The following SYN3 variants were observed in gnomAD, a reference collection of about 807,000 sequenced individuals.
SYN3 encodes the protein synapsin-3.
In SYN3, 35 loss-of-function variants were observed where a neutral mutation model predicts 65.8. That is an observed-to-expected ratio of 0.53 (90% CI 0.41 to 0.70). The LOEUF is 0.70. SYN3 is among the 30% of genes least tolerant of loss of function. The pLI is 0.00. For missense variants in SYN3, 680 were observed against 749.0 expected, an observed-to-expected ratio of 0.91 and a Z score of 1.08; for synonymous variants, 270 against 292.9, an observed-to-expected ratio of 0.92 and a Z score of 0.80.
chr22:32,524,166 C>A (rs957320775), intron 12 of SYN3, among the ~76,000 whole-genome samples: 2 of 152,226 alleles, frequency 1.3e-5, no homozygotes, highest in Non-Finnish European at 2.9e-5. Context: ...GAAGAAGCTG[C>A]AGCAAGTTAT....
intron 7 of SYN3, among the ~76,000 whole-genome samples, chr22:32,552,045 T>G (rs1309318666): frequency 1.3e-5 from 2 of 152,114 alleles, no homozygotes; most frequent in East Asian, 3.9e-4. Flanking sequence ...GGTTAAGAGT[T>G]GAGACCAGCC....
intron 7 of SYN3, among the ~76,000 whole-genome samples, chr22:32,542,024 G>A (rs1343449284): frequency 6.6e-6 from 1 of 152,156 alleles, no homozygotes; most frequent in Non-Finnish European, 1.5e-5. Context: ...AGATGCACGA[G>A]GAACCCACAG....
In SYN3 at chr22:32,926,136, G is replaced by A. The variant is rs192327167; in HGVS notation, c.461+5254C>T. Among the ~76,000 whole-genome samples the A allele has an allele frequency of 4.5e-4, 69 of 152,274 alleles. No homozygotes were observed. In the East Asian group the frequency reaches 0.012, roughly 26 times the overall value. ...CAAAGTGCTGGGATTACAGGCGTAA[G>A]CCATTGTGCCCAGCCGGGATAGATG... On this transcript the variant is annotated intron_variant, in intron 4 of 13. Transcript: ENST00000358763.
intron 4 of SYN3, among the ~76,000 whole-genome samples, chr22:32,873,308 T>C (rs147643683): frequency 7.5e-4 from 114 of 152,274 alleles, no homozygotes; most frequent in African/African-American, 2.4e-3. Flanking sequence ...AGTGAAATAA[T>C]TGAGGCATGT....
intron 4 of SYN3, among the ~76,000 whole-genome samples, chr22:32,897,102 G>A (rs1446901053): frequency 1.3e-5 from 2 of 152,124 alleles, no homozygotes; most frequent in African/African-American, 4.8e-5. Flanking sequence ...GGCCAAGTAG[G>A]TTGTGAAGGA....
intron 6 of SYN3, among the ~76,000 whole-genome samples, chr22:32,775,091 A>G (rs369608974): frequency 6.6e-6 from 1 of 152,208 alleles, no homozygotes. Flanking sequence ...CTGGATGTCC[A>G]AGATCAAGGC....
At chr22:32,578,769 T>G (rs1483836618) in intron 7 of SYN3, among the ~76,000 whole-genome samples, 1 of 152,224 alleles carries the variant, frequency 6.6e-6, no homozygotes, top group Admixed American at 6.5e-5. Flanking sequence ...TGGGGTTTAT[T>G]GTACACATTT....
intron 3 of SYN3, among the ~76,000 whole-genome samples, chr22:32,967,423 G>A (rs531683031): frequency 1.3e-5 from 2 of 152,302 alleles, no homozygotes; most frequent in African/African-American, 4.8e-5. Context: ...TCCTTCCTGA[G>A]GGACTAGAAA....
At chr22:32,810,244 T>G (rs2046880642) in intron 6 of SYN3, among the ~76,000 whole-genome samples, 2 of 152,212 alleles carry the variant, frequency 1.3e-5, no homozygotes, top group South Asian at 4.1e-4. Context: ...GAACCTTTCC[T>G]GACCCATTTA....
chr22:32,904,901 C>T (rs1262464077), intron 4 of SYN3, among the ~76,000 whole-genome samples: 1 of 152,170 alleles, frequency 6.6e-6, no homozygotes, highest in Admixed American at 6.5e-5. Context: ...GAATTAACTT[C>T]CCTCCTGTCC....
intron 7 of SYN3, among the ~76,000 whole-genome samples, chr22:32,566,289 T>C (rs1004261896): frequency 6.6e-6 from 1 of 152,218 alleles, no homozygotes; most frequent in Admixed American, 6.5e-5. Flanking sequence ...CCTATCTCAA[T>C]AGAGGCATGT....
At chr22:32,516,933 T>C (rs1167056431) in intron 13 of SYN3, among the ~76,000 whole-genome samples, 1 of 152,210 alleles carries the variant, frequency 6.6e-6, no homozygotes, top group East Asian at 1.9e-4. Context: ...ACAATAGCTG[T>C]TAGCTGTGAA....
intron 6 of SYN3, among the ~76,000 whole-genome samples, chr22:32,747,255 A>T (rs2044963819): frequency 6.6e-6 from 1 of 151,534 alleles, no homozygotes; most frequent in East Asian, 1.9e-4. Flanking sequence ...GCCAGATTTG[A>T]AGTTGAATCT....
At chr22:33,000,262 T>C (rs1015863247) in intron 2 of SYN3, among the ~76,000 whole-genome samples, 2 of 152,138 alleles carry the variant, frequency 1.3e-5, no homozygotes, top group East Asian at 1.9e-4. Context: ...TCACCTTTAG[T>C]TCAGACCTAT....
chr22:32,993,835 G>T (rs139467420), intron 2 of SYN3, among the ~76,000 whole-genome samples: 1 of 152,168 alleles, frequency 6.6e-6, no homozygotes, highest in Admixed American at 6.5e-5. Flanking sequence ...AGACCCCACA[G>T]CATCTGCAGA....
intron 6 of SYN3, among the ~76,000 whole-genome samples, chr22:32,764,741 G>A (rs1007895314): frequency 3.9e-5 from 6 of 152,300 alleles, no homozygotes; most frequent in Non-Finnish European, 5.9e-5. Context: ...TCTATCTCCT[G>A]ACTGGAGACC....
intron 6 of SYN3, among the ~76,000 whole-genome samples, chr22:32,769,126 G>A (rs894241255): frequency 5.3e-5 from 8 of 151,902 alleles, no homozygotes; most frequent in South Asian, 2.1e-4. Flanking sequence ...ATTTCAACAC[G>A]CCATTGTAAT....
chr22:33,037,118 T>C (rs1338967744), intron 1 of SYN3, among the ~76,000 whole-genome samples: 2 of 152,216 alleles, frequency 1.3e-5, no homozygotes, highest in Non-Finnish European at 2.9e-5. Context: ...CTTGTTAATC[T>C]TTCATTAGTT....
At chr22:32,963,693 G>A (rs2146900041) in intron 3 of SYN3, among the ~76,000 whole-genome samples, 1 of 152,238 alleles carries the variant, frequency 6.6e-6, no homozygotes, top group East Asian at 1.9e-4. Flanking sequence ...GCAGAGAGAG[G>A]AAAAGAGAGG....
Sources: gnomAD v4.1 joint callset for allele counts (sites outside exome capture counted in the v4.1 genomes callset) on GRCh38, gnomAD v4.1.1 for gene constraint, MANE v1.5 for transcripts, NCBI Gene and HGNC (gene_info 2026-07-23, HGNC 2026-07-21) for gene names.